Variants in PRKCH observed in about 807,000 individuals in gnomAD.
PRKCH encodes protein kinase C eta type.
PRKCH carries 28 observed loss-of-function variants against 82.5 expected under a neutral mutation model. That is an observed-to-expected ratio of 0.34 (90% CI 0.25 to 0.47). PRKCH has a LOEUF of 0.47. Ranked by LOEUF, PRKCH falls within the 20% of genes least tolerant of loss-of-function variation. The probability of loss-of-function intolerance (pLI) is 1.00; values close to 1 mark genes in which losing one functional copy is unlikely to be tolerated. For synonymous variants in PRKCH, 322 were observed against 327.4 expected (o/e 0.98, Z 0.18); for missense variants, 705 against 881.8 (o/e 0.80, Z 2.54).
chr14:61,377,561 T>A (rs2046442439), intron 1 of PRKCH, among the ~76,000 whole-genome samples: 1 of 152,218 alleles, frequency 6.6e-6, no homozygotes, highest in South Asian at 2.1e-4. Flanking sequence ...AATATTTTTG[T>A]CTTCATGGGC....
intron 1 of PRKCH, among the ~76,000 whole-genome samples, chr14:61,271,376 A>G (rs1297782121): frequency 6.6e-6 from 1 of 152,194 alleles, no homozygotes; most frequent in Admixed American, 6.5e-5. Flanking sequence ...CAGTTCTGGT[A>G]GGTCAAGTGA....
At chr14:61,539,444 A>G (rs1276386392) in intron 12 of PRKCH, among the ~76,000 whole-genome samples, 1 of 152,152 alleles carries the variant, frequency 6.6e-6, no homozygotes, top group Non-Finnish European at 1.5e-5. Flanking sequence ...GAGAGAAAAT[A>G]AAGTACACTG....
intron 1 of PRKCH, chr14:61,278,424 A>G (rs2045223492): frequency 1.3e-5 from 2 of 152,274 alleles, no homozygotes. Context: ...CAGAAGTTCT[A>G]AGGCAGATGT....
At chr14:61,256,856 GC>G (rs1480861156) in intron 1 of PRKCH, among the ~76,000 whole-genome samples, 1 of 152,138 alleles carries the variant, frequency 6.6e-6, no homozygotes, top group Non-Finnish European at 1.5e-5. Flanking sequence ...GCTTCACTTA[GC>G]AGCCTCAAGA....
intron 1 of PRKCH, among the ~76,000 whole-genome samples, chr14:61,213,913 A>C (rs1175315940): frequency 6.6e-6 from 1 of 152,260 alleles, no homozygotes; most frequent in Admixed American, 6.5e-5. Flanking sequence ...ATACTACAGG[A>C]AACAAGCCAG....
chr14:61,464,635 G>C (rs1184057666), intron 9 of PRKCH, among the ~76,000 whole-genome samples: 1 of 152,150 alleles, frequency 6.6e-6, no homozygotes, highest in African/African-American at 2.4e-5. Flanking sequence ...AGAACATGTG[G>C]TGTTTGATTT....
intron 1 of PRKCH, chr14:61,281,240 C>T: frequency 1.3e-6 from 1 of 788,916 alleles, no homozygotes; most frequent in South Asian, 6.2e-5. Context: ...CCGGGGACTG[C>T]TCGCGGGTCG....
chr14:61,527,315 C>A (rs187991235), intron 10 of PRKCH, among the ~76,000 whole-genome samples: 91 of 152,266 alleles, frequency 6.0e-4, no homozygotes, highest in African/African-American at 2.1e-3. Context: ...CACAAACAAA[C>A]CCTGTTCTCA....
chr14:61,258,325 A>G (rs2045017383), intron 1 of PRKCH, among the ~76,000 whole-genome samples: 1 of 152,242 alleles, frequency 6.6e-6, no homozygotes, highest in Non-Finnish European at 1.5e-5. Context: ...AAAAGTTTCC[A>G]GGATCTATGA....
Position 61,550,389 on chromosome 14 carries a change from A to G in PRKCH, c.*558A>G, listed in dbSNP as rs948149209. The G allele has an allele frequency of 6.6e-6, 1 of 152,382 alleles. No individual in the cohort carries two copies. Among genetic ancestry groups the G allele is most frequent in the Non-Finnish European group, 1.5e-5 (1 of 68,056 alleles). The allele number at this position is 152,382 out of a possible 1,614,324, so 9.4% of individuals were successfully genotyped here. ...TCTGAAACTCACAACCTAAAGCCCA[A>G]TCTTGAAAATATGTTGTGCACCAAG... On this transcript the variant is annotated 3_prime_UTR_variant, in exon 14 of 14. Coordinates refer to ENST00000332981, the MANE Select transcript of PRKCH (RefSeq NM_006255.5).
At chr14:61,458,218 C>G (rs910263146) in intron 9 of PRKCH, among the ~76,000 whole-genome samples, 1 of 152,224 alleles carries the variant, frequency 6.6e-6, no homozygotes, top group Non-Finnish European at 1.5e-5. Flanking sequence ...TCTGTCTGCC[C>G]TGTAATGGCG....
Position 61,280,173 on chromosome 14 carries a change from G to A in PRKCH, c.-19+92505G>A, listed in dbSNP as rs778625243. Reference sequence around the variant, plus strand: ...CAAAGCCGGTGAGGATGCAGAGGGAGCCGACGACCAGGTAGGCGATGCCCA... The same window carrying A: ...CAAAGCCGGTGAGGATGCAGAGGGAACCGACGACCAGGTAGGCGATGCCCA... On this transcript the variant is annotated intron_variant, in intron 1 of 3. Coordinates refer to the PRKCH transcript ENST00000555185. This position sits in a 1 kb window ranked among gnomAD's most constrained non-coding sequence, Gnocchi z 5.0. 6.2e-7 allele frequency: 1 copy of A among 1,614,154 alleles called. No homozygotes were observed. The highest frequency in any genetic ancestry group is 1.3e-5 in the African/African-American group (1 of 75,066).
intron 1 of PRKCH, among the ~76,000 whole-genome samples, chr14:61,198,302 A>G (rs550744205): frequency 6.6e-6 from 1 of 152,278 alleles, no homozygotes; most frequent in Admixed American, 6.5e-5. Flanking sequence ...TCATTCACCC[A>G]TGTATGCTCT....
chr14:61,477,060 C>G (rs1885760165), intron 9 of PRKCH: 2 of 152,196 alleles, frequency 1.3e-5, no homozygotes, highest in African/African-American at 2.4e-5. Flanking sequence ...TCCCTGCTCA[C>G]CCTGTAGATG....
intron 1 of PRKCH, among the ~76,000 whole-genome samples, chr14:61,340,624 T>G (rs574434330): frequency 6.6e-6 from 1 of 151,892 alleles, no homozygotes; most frequent in African/African-American, 2.4e-5. Flanking sequence ...AGAGGAGGAG[T>G]GCTGTGGCAC....
At chr14:61,219,964 A>G (rs76194855) in intron 1 of PRKCH, among the ~76,000 whole-genome samples, 1,693 of 152,310 alleles carry the variant, frequency 0.011, 22 homozygotes, top group African/African-American at 0.039. Flanking sequence ...CAACCTGACT[A>G]CATTCCTTGG....
intron 1 of PRKCH, among the ~76,000 whole-genome samples, chr14:61,204,291 T>A (rs978946001): frequency 2.6e-5 from 4 of 152,204 alleles, no homozygotes; most frequent in African/African-American, 9.6e-5. Flanking sequence ...CTTAATCCTC[T>A]TTGTTACTTT....
chr14:61,458,623 T>C (rs74442751), intron 9 of PRKCH, among the ~76,000 whole-genome samples: 9,663 of 152,184 alleles, frequency 0.063, 448 homozygotes, highest in Non-Finnish European at 0.093. Context: ...GACGGGGTAA[T>C]TTATGAAGAA....
intron 9 of PRKCH, among the ~76,000 whole-genome samples, chr14:61,460,659 A>G (rs1884988619): frequency 6.6e-6 from 1 of 152,216 alleles, no homozygotes; most frequent in Admixed American, 6.5e-5. Context: ...GTTTGAAGCC[A>G]GGTGGTCTGA....
Sources: allele counts gnomAD v4.1 joint callset (sites outside exome capture counted in the v4.1 genomes callset), GRCh38; gene constraint gnomAD v4.1.1; non-coding constraint Gnocchi (gnomAD v3.1); transcripts MANE v1.5; gene names NCBI Gene and HGNC (gene_info 2026-07-23, HGNC 2026-07-21).